Variants in PDZRN4 observed in about 807,000 individuals in gnomAD.
PDZRN4 encodes the protein PDZ domain containing ring finger 4, also known as PDZ domain-containing RING finger protein 4.
PDZRN4 carries 70 observed loss-of-function variants against 99.0 expected under a neutral mutation model. That is an observed-to-expected ratio of 0.71 (90% CI 0.58 to 0.86). PDZRN4 has a LOEUF of 0.86. Among genes scored for constraint, PDZRN4 ranks in the 40% least tolerant of loss-of-function variants. PDZRN4 has a pLI of 0.00. For missense variants in PDZRN4, 1,474 were observed against 1,331.2 expected (o/e 1.11, Z -1.67); for synonymous variants, 551 against 501.6 (o/e 1.10, Z -1.32).
chr12:41,429,131 G>T (rs1239856228), intron 3 of PDZRN4, among the ~76,000 whole-genome samples: 2 of 152,166 alleles, frequency 1.3e-5, no homozygotes, highest in Non-Finnish European at 2.9e-5. Flanking sequence ...AATTAAGAGG[G>T]AAATTAAGTC....
intron 3 of PDZRN4, among the ~76,000 whole-genome samples, chr12:41,377,625 C>T (rs1952091919): frequency 1.3e-5 from 2 of 152,070 alleles, no homozygotes; most frequent in South Asian, 4.1e-4. Flanking sequence ...GATCATGCCA[C>T]TGCACTCCAG....
At chr12:41,460,034 C>T in intron 3 of PDZRN4, 1 of 1,286,746 alleles carries the variant, frequency 7.8e-7, no homozygotes, top group East Asian at 5.6e-5. Flanking sequence ...TGTGTGGGAT[C>T]TTAGTTCTGC....
At chr12:41,246,063 A>T (rs1051555984) in intron 3 of PDZRN4, among the ~76,000 whole-genome samples, 3 of 150,360 alleles carry the variant, frequency 2.0e-5, no homozygotes, top group Non-Finnish European at 2.9e-5. Flanking sequence ...AATAGCATGC[A>T]GATTGAGGAG....
At chr12:41,309,969 G>C (rs1352213802) in intron 3 of PDZRN4, among the ~76,000 whole-genome samples, 2 of 151,708 alleles carry the variant, frequency 1.3e-5, no homozygotes, top group South Asian at 2.1e-4. Context: ...GTCTTACTCT[G>C]TCACCCAGGC....
chr12:41,426,225 C>T (rs914445726), intron 3 of PDZRN4, among the ~76,000 whole-genome samples: 1 of 152,212 alleles, frequency 6.6e-6, no homozygotes, highest in East Asian at 1.9e-4. Flanking sequence ...CTGTCACCAA[C>T]AGCTGGGCCA....
chr12:41,342,576 AATGACCAAC>A (rs892663353), intron 3 of PDZRN4, among the ~76,000 whole-genome samples: 8 of 34,364 alleles, frequency 2.3e-4, no homozygotes, highest in African/African-American at 4.6e-4. Flanking sequence ...AAGACAAACA[AATGACCAAC>A]TGACCAACAG....
intron 3 of PDZRN4, among the ~76,000 whole-genome samples, chr12:41,347,432 T>C (rs1359139144): frequency 6.6e-6 from 1 of 152,158 alleles, no homozygotes; most frequent in Non-Finnish European, 1.5e-5. Context: ...TATTTGCTAT[T>C]TGCATATCTT....
chr12:41,468,245 T>C (rs1326162322), intron 3 of PDZRN4, among the ~76,000 whole-genome samples: 1 of 152,210 alleles, frequency 6.6e-6, no homozygotes, highest in East Asian at 1.9e-4. Context: ...ATATTTAGAA[T>C]GACCTCCCAA....
chr12:41,408,854 T>C (rs956722657), intron 3 of PDZRN4, among the ~76,000 whole-genome samples: 14 of 152,110 alleles, frequency 9.2e-5, no homozygotes, highest in Non-Finnish European at 1.9e-4. Context: ...TTGCTCTCTT[T>C]CTCCCCCTTT....
intron 5 of PDZRN4, among the ~76,000 whole-genome samples, chr12:41,547,832 TA>T (rs1424784158): frequency 2.0e-5 from 3 of 152,128 alleles, no homozygotes; most frequent in Non-Finnish European, 4.4e-5. Context: ...CTACACCAAA[TA>T]GGTCATTGAT....
intron 3 of PDZRN4, among the ~76,000 whole-genome samples, chr12:41,329,639 A>G (rs1168145314): frequency 6.6e-6 from 1 of 152,026 alleles, no homozygotes; most frequent in Non-Finnish European, 1.5e-5. Context: ...TTTTTTCTTT[A>G]ATATAATTGT....
chr12:41,406,997 T>C (rs1213118601), intron 3 of PDZRN4, among the ~76,000 whole-genome samples: 1 of 152,110 alleles, frequency 6.6e-6, no homozygotes. Flanking sequence ...CAAGAAATGC[T>C]ACAACCTTTA....
intron 3 of PDZRN4, among the ~76,000 whole-genome samples, chr12:41,422,090 T>C (rs1952494994): frequency 6.6e-6 from 1 of 152,162 alleles, no homozygotes; most frequent in African/African-American, 2.4e-5. Context: ...TATCTTGGTA[T>C]TTCTTGAGGC....
intron 3 of PDZRN4, among the ~76,000 whole-genome samples, chr12:41,435,555 G>A (rs532612737): frequency 2.0e-5 from 3 of 152,262 alleles, no homozygotes; most frequent in African/African-American, 4.8e-5. Context: ...TTGGGAGGCC[G>A]AAGCAGGCAG....
In PDZRN4 at chr12:41,257,123, T is replaced by C. The variant is rs547853332; in HGVS notation, c.843+62935T>C. Among the ~76,000 whole-genome samples the C allele has an allele frequency of 7.4e-4, 113 of 152,256 alleles. 1 individual carries two copies. The highest frequency in any genetic ancestry group is 2.6e-3 in the African/African-American group (109 of 41,562). ...CCTATACTCCAAATTGCAGCCTAAG[T>C]AATGCTTTTCAAATGTAGATCAAAT... is the stretch of plus-strand genomic sequence containing the variant. On this transcript the variant is annotated intron_variant, in intron 3 of 9. Transcript: ENST00000402685.
chr12:41,243,279 T>G (rs1951112115), intron 3 of PDZRN4, among the ~76,000 whole-genome samples: 1 of 152,230 alleles, frequency 6.6e-6, no homozygotes, highest in African/African-American at 2.4e-5. Flanking sequence ...AACTTTAACC[T>G]TTTACACAGA....
intron 3 of PDZRN4, among the ~76,000 whole-genome samples, chr12:41,268,703 A>T (rs1951295495): frequency 1.3e-5 from 2 of 152,200 alleles, no homozygotes; most frequent in South Asian, 2.1e-4. Context: ...ATTCTTTTCC[A>T]ACATAAAGAA....
intron 3 of PDZRN4, among the ~76,000 whole-genome samples, chr12:41,368,626 C>T (rs1415181954): frequency 6.6e-6 from 1 of 152,124 alleles, no homozygotes; most frequent in Non-Finnish European, 1.5e-5. Flanking sequence ...CCCGTTTTCT[C>T]ACCTCTAAGT....
intron 3 of PDZRN4, among the ~76,000 whole-genome samples, chr12:41,359,164 T>C (rs1310189108): frequency 6.6e-6 from 1 of 151,946 alleles, no homozygotes; most frequent in Admixed American, 6.6e-5. Flanking sequence ...GCATTTTCAA[T>C]CACCAAACTT....
Sources: gnomAD v4.1 joint callset for allele counts (sites outside exome capture counted in the v4.1 genomes callset) on GRCh38, gnomAD v4.1.1 for gene constraint, MANE v1.5 for transcripts, NCBI Gene and HGNC (gene_info 2026-07-23, HGNC 2026-07-21) for gene names.